Variants in ABL2 observed in about 807,000 individuals in gnomAD.
The protein encoded by ABL2 is tyrosine-protein kinase ABL2.
ABL2 carries 49 observed loss-of-function variants against 107.7 expected under a neutral mutation model. The ratio of observed to expected loss-of-function variants is 0.45; its 90% CI spans 0.36 to 0.58. ABL2 has a LOEUF of 0.58. ABL2 is among the 20% of genes least tolerant of loss of function. ABL2 has a pLI of 0.00. For missense variants in ABL2, 1,245 were observed against 1,457.0 expected, an observed-to-expected ratio of 0.85 and a Z score of 2.37; for synonymous variants, 549 against 548.6, an observed-to-expected ratio of 1.00 and a Z score of -0.01.
intron 1 of ABL2, among the ~76,000 whole-genome samples, chr1:179,140,724 A>G (rs1453715917): frequency 6.6e-6 from 1 of 152,248 alleles, no homozygotes; most frequent in African/African-American, 2.4e-5. Context: ...ACTTAAAATT[A>G]GATAAACATT....
chr1:179,203,637 C>T (rs1207874760), intron 1 of ABL2, among the ~76,000 whole-genome samples: 2 of 152,144 alleles, frequency 1.3e-5, no homozygotes, highest in African/African-American at 4.8e-5. Context: ...AGAAAGGCAT[C>T]TTGGTAGGCA....
At chr1:179,202,842 GA>G (rs1219115221) in intron 1 of ABL2, among the ~76,000 whole-genome samples, 12 of 152,230 alleles carry the variant, frequency 7.9e-5, no homozygotes, top group Non-Finnish European at 1.8e-4. Context: ...AAATAAATGT[GA>G]AGTAAGTTCT....
rs764771792 is a variant in ABL2, at chr1:179,126,812, T to A, written c.392-140A>T. The A allele has an allele frequency of 1.8e-5, 16 of 885,862 alleles. No individual in the cohort carries two copies. Among genetic ancestry groups the A allele is most frequent in the Non-Finnish European group, 2.7e-5 (16 of 600,490 alleles). 54.9% of individuals were successfully genotyped at this position (885,862 alleles called of 1,614,324 possible). A position where few individuals can be genotyped will look rare whatever the true frequency, so the allele number is the denominator to read the frequency against. ...TATGCCAAATTTTTTTTTTAAATAA[T>A]GAAAACAAACTTGGCTGTTCATCAT... On this transcript the variant is annotated intron_variant, in intron 3 of 11. Coordinates refer to ENST00000502732, the MANE Select transcript of ABL2 (RefSeq NM_007314.4). This position sits in a 1 kb window ranked among gnomAD's most constrained non-coding sequence, Gnocchi z 4.4.
intron 1 of ABL2, among the ~76,000 whole-genome samples, chr1:179,178,177 C>A (rs1660153714): frequency 6.6e-6 from 1 of 151,926 alleles, no homozygotes. Context: ...GCGGATAGAT[C>A]ACTTGACGTA....
intron 1 of ABL2, chr1:179,184,307 G>T: frequency 3.7e-6 from 2 of 533,782 alleles, no homozygotes; most frequent in South Asian, 2.4e-5. Context: ...AATTTCATTT[G>T]AATGAGAGTG....
chr1:179,117,035 AC>A, intron 8 of ABL2: 1 of 378,612 alleles, frequency 2.6e-6, no homozygotes, highest in Admixed American at 3.7e-5. Flanking sequence ...ATGGGAGTTC[AC>A]CATGTTGGCC....
At position 179,105,437 on chromosome 1, in the gene ABL2, G is replaced by A. The variant is rs564729613; in HGVS notation, c.*2281C>T. The A allele has an allele frequency of 4.3e-6, 1 of 230,814 alleles. No homozygotes were observed. Among genetic ancestry groups the A allele is most frequent in the Non-Finnish European group, 8.6e-6 (1 of 116,610 alleles). The allele number at this position is 230,814 out of a possible 1,614,324, so 14.3% of individuals were successfully genotyped here. On this transcript the variant is annotated 3_prime_UTR_variant, in exon 12 of 12. Transcript: ENST00000502732. ...CTACAGTTTTAGCTTTCCCATCCTC[G>A]ACCTTAAAAGGCTAGCTGCTAAAAC...
rs574755037 is a variant in ABL2, at chr1:179,100,404, C to T, written c.*7314G>A. ...TAAAGCGTTCCCAGTCCTGCAAAAC[C>T]TTCTGAAACAACAATAAATTTGCAT... is the stretch of plus-strand genomic sequence containing the variant. On this transcript the variant is annotated 3_prime_UTR_variant, in exon 12 of 12. Transcript: ENST00000502732. 5 of 226,838 alleles carry T rather than the reference C, an allele frequency of 2.2e-5. No homozygotes were observed. The highest frequency in any genetic ancestry group is 4.4e-5 in the Non-Finnish European group (5 of 114,186). 14.1% of individuals were successfully genotyped at this position (226,838 alleles called of 1,614,324 possible).
chr1:179,156,279 A>G (rs908438025), intron 1 of ABL2, among the ~76,000 whole-genome samples: 7 of 152,224 alleles, frequency 4.6e-5, no homozygotes, highest in Admixed American at 2.6e-4. Flanking sequence ...ACCAAGAGAA[A>G]CAAAGCACCT....
chr1:179,213,846 T>C (rs1470825671), intron 1 of ABL2, among the ~76,000 whole-genome samples: 1 of 152,120 alleles, frequency 6.6e-6, no homozygotes, highest in Non-Finnish European at 1.5e-5. Flanking sequence ...TGGGATGCTA[T>C]AGGCAGGAGG....
At chr1:179,226,945 C>G (rs1663251033) in intron 1 of ABL2, among the ~76,000 whole-genome samples, 2 of 152,162 alleles carry the variant, frequency 1.3e-5, no homozygotes, top group African/African-American at 4.8e-5. Flanking sequence ...TTCACAGCAA[C>G]ATTCCCACAA....
At chr1:179,218,188 CCA>C (rs1344171425) in intron 1 of ABL2, among the ~76,000 whole-genome samples, 1 of 120,584 alleles carries the variant, frequency 8.3e-6, no homozygotes, top group Non-Finnish European at 1.9e-5. Flanking sequence ...CCTGATAACT[CCA>C]GATTTTTTTC....
chr1:179,104,219 G>A lies in ABL2; in HGVS notation c.*3499C>T, dbSNP rs1295020537. On this transcript the variant is annotated 3_prime_UTR_variant, in exon 12 of 12. Transcript: ENST00000502732. ...TAATCCTTACAACAACCCTGAGGTAGTTACTATTATTATCCCTGTTTTACA... is the reference window on the plus strand; with the variant it reads ...TAATCCTTACAACAACCCTGAGGTAATTACTATTATTATCCCTGTTTTACA... 4.3e-6 allele frequency: 1 copy of A among 230,254 alleles called. No individual in the cohort carries two copies. The highest frequency in any genetic ancestry group is 1.8e-4 in the South Asian group (1 of 5,506). 14.3% of individuals were successfully genotyped at this position (230,254 alleles called of 1,614,324 possible).
intron 1 of ABL2, among the ~76,000 whole-genome samples, chr1:179,210,473 C>T (rs1662202745): frequency 7.8e-6 from 1 of 127,688 alleles, no homozygotes; most frequent in African/African-American, 2.9e-5. Flanking sequence ...CACTTGCACT[C>T]CAACAGTGAT....
intron 1 of ABL2, among the ~76,000 whole-genome samples, chr1:179,170,797 G>A (rs1659674940): frequency 6.6e-6 from 1 of 152,224 alleles, no homozygotes; most frequent in Non-Finnish European, 1.5e-5. Context: ...GTTTCACCAT[G>A]TTGGCCAGTC....
At chr1:179,115,672 C>CATCCAAGG (rs1359689382) in intron 8 of ABL2, among the ~76,000 whole-genome samples, 1 of 152,036 alleles carries the variant, frequency 6.6e-6, no homozygotes, top group Non-Finnish European at 1.5e-5. Flanking sequence ...TGGTTTCAGG[C>CATCCAAGG]ATCCAAGGGG....
In ABL2 at chr1:179,229,298, T is replaced by A. The variant is rs1282734179; in HGVS notation, c.100A>T (p.Arg34Trp). 1 of 1,577,996 alleles carries A rather than the reference T, an allele frequency of 6.3e-7. No homozygotes were observed. ...GTGGTGCGCCCCGCCGGGTCCCGCC[T>A]GCGGCCGGAGGGCCTGGCTGCACTG... is the stretch of plus-strand genomic sequence containing the variant. ...GSSAARPSGR[R>W]RDPAGRTTET... The change falls in exon 1 of 12, where the codon AGG becomes TGG. Residue 34 changes from arginine to tryptophan, a missense_variant. By Grantham distance (101) the Arg-to-Trp change is moderately radical. Around this residue, in one of 3 missense-constraint regions of ABL2, gnomAD observed 164 missense variants for 143.7 expected, o/e 1.14. Coordinates refer to ENST00000502732, the MANE Select transcript of ABL2 (RefSeq NM_007314.4).
chr1:179,115,083 T>C (rs1654497207), intron 8 of ABL2, 53 bp from the exon 9 acceptor site: 1 of 1,513,050 alleles, frequency 6.6e-7, no homozygotes, highest in Admixed American at 2.2e-5. Flanking sequence ...ATTATTTATT[T>C]TACATAATTA....
chr1:179,229,058 G>A (rs539611279), intron 1 of ABL2, among the ~76,000 whole-genome samples, 183 bp downstream of exon 1: 1 of 152,162 alleles, frequency 6.6e-6, no homozygotes, highest in Admixed American at 6.5e-5. Flanking sequence ...CCAGGCTAGA[G>A]ACGCGAGGGG....
Sources: allele counts gnomAD v4.1 joint callset (sites outside exome capture counted in the v4.1 genomes callset), GRCh38; gene constraint gnomAD v4.1.1; regional missense constraint gnomAD v4.1.1; non-coding constraint Gnocchi (gnomAD v3.1); transcripts MANE v1.5; gene names NCBI Gene and HGNC (gene_info 2026-07-23, HGNC 2026-07-21).